The following HTR7 variants were observed in gnomAD, a reference collection of about 807,000 sequenced individuals.
The protein encoded by HTR7 is 5-hydroxytryptamine receptor 7.
In HTR7, 16 loss-of-function variants were observed where a neutral mutation model predicts 34.0. That is an observed-to-expected ratio of 0.47 (90% confidence interval 0.32 to 0.71). The LOEUF is 0.71. Ranked by LOEUF, HTR7 falls within the 30% of genes least tolerant of loss-of-function variation. The probability of loss-of-function intolerance (pLI) is 0.04; values close to 1 mark genes in which losing one functional copy is unlikely to be tolerated. For missense variants in HTR7, 504 were observed against 625.5 expected (o/e 0.81, Z 2.07); for synonymous variants, 265 against 260.2 (o/e 1.02, Z -0.18).
At chr10:90,765,526 T>A (rs1376608608) in intron 1 of HTR7, among the ~76,000 whole-genome samples, 8 of 148,592 alleles carry the variant, frequency 5.4e-5, no homozygotes, top group Non-Finnish European at 1.0e-4. Flanking sequence ...TCTATTTCAT[T>A]TTTTTTTTTG....
intron 1 of HTR7, among the ~76,000 whole-genome samples, chr10:90,846,933 C>G (rs1270515903): frequency 6.6e-6 from 1 of 152,198 alleles, no homozygotes; most frequent in African/African-American, 2.4e-5. Flanking sequence ...TATTCCCTCA[C>G]TCAGAATGCC....
intron 1 of HTR7, among the ~76,000 whole-genome samples, chr10:90,808,201 G>C (rs184334954): frequency 1.3e-5 from 2 of 151,980 alleles, no homozygotes; most frequent in Non-Finnish European, 2.9e-5. Flanking sequence ...CTTTTCTGGG[G>C]GGGGCAAGTA....
At chr10:90,804,592 TCCCC>T (rs1845675359) in intron 1 of HTR7, among the ~76,000 whole-genome samples, 2 of 152,016 alleles carry the variant, frequency 1.3e-5, no homozygotes, top group South Asian at 4.2e-4. Context: ...CCACCACCCC[TCCCC>T]ACTCCTTCAG....
Position 90,749,019 on chromosome 10 carries a change from A to G in HTR7, c.1115T>C (p.Leu372Pro), listed in dbSNP as rs780816345. The G allele has an allele frequency of 6.2e-7, 1 of 1,614,106 alleles. No homozygotes were observed. ...GTTAATGAGAGAGTTTGCATAGCCT[A>G]GCCACAGAAATGTCCTCTCCACCCA... The part of the protein sequence containing the change: ...PLWVERTFLW[L>P]GYANSLINPF... Residue 372 changes from leucine (L) to proline (P), a missense_variant, in exon 2 of 4, where the codon CTA (leucine) becomes CCA (proline). By Grantham distance (98) the Leu-to-Pro change is moderately conservative. Coordinates refer to ENST00000336152, the MANE Select transcript of HTR7 (RefSeq NM_019859.4). This position sits in a 1 kb window ranked among gnomAD's most constrained non-coding sequence, Gnocchi z 4.2.
chr10:90,759,393 C>T (rs796252519), intron 1 of HTR7, among the ~76,000 whole-genome samples: 2 of 151,828 alleles, frequency 1.3e-5, no homozygotes, highest in African/African-American at 4.8e-5. Flanking sequence ...CGGTGGCTCA[C>T]GCCTGTAATC....
At chr10:90,791,237 G>A (rs1230274615) in intron 1 of HTR7, among the ~76,000 whole-genome samples, 2 of 150,780 alleles carry the variant, frequency 1.3e-5, no homozygotes, top group Non-Finnish European at 3.0e-5. Context: ...AGAGAATACA[G>A]ATATATATAT....
At chr10:90,843,204 T>C (rs1295357703) in intron 1 of HTR7, among the ~76,000 whole-genome samples, 1 of 151,692 alleles carries the variant, frequency 6.6e-6, no homozygotes, top group African/African-American at 2.4e-5. Flanking sequence ...CTCCCTCCCT[T>C]CCTTCCGCAG....
At chr10:90,753,998 A>G (rs143007632) in intron 1 of HTR7, among the ~76,000 whole-genome samples, 1 of 152,078 alleles carries the variant, frequency 6.6e-6, no homozygotes, top group Non-Finnish European at 1.5e-5. Flanking sequence ...GAGATGAAGA[A>G]ATTTTAATGA....
At chr10:90,808,525 C>A (rs1011456383) in intron 1 of HTR7, among the ~76,000 whole-genome samples, 2 of 151,774 alleles carry the variant, frequency 1.3e-5, no homozygotes, top group Non-Finnish European at 2.9e-5. Flanking sequence ...GTGCTCCGAT[C>A]CCTTATTTCC....
At chr10:90,814,761 G>A (rs1180433328) in intron 1 of HTR7, among the ~76,000 whole-genome samples, 2 of 152,156 alleles carry the variant, frequency 1.3e-5, no homozygotes, top group Non-Finnish European at 1.5e-5. Context: ...CATTACCAAG[G>A]GCTGGATGGA....
chr10:90,855,452 G>A (rs1846564970), intron 1 of HTR7, among the ~76,000 whole-genome samples: 1 of 152,178 alleles, frequency 6.6e-6, no homozygotes, highest in Non-Finnish European at 1.5e-5. Context: ...TTTATCAACT[G>A]TGAAATTTTA....
intron 2 of HTR7, among the ~76,000 whole-genome samples, chr10:90,747,036 T>C (rs1844649555): frequency 2.0e-5 from 3 of 152,226 alleles, no homozygotes; most frequent in South Asian, 2.1e-4. Context: ...TATAACTGCA[T>C]AACATTCAAT....
At chr10:90,750,555 A>T (rs181139554) in intron 1 of HTR7, among the ~76,000 whole-genome samples, 61 of 152,310 alleles carry the variant, frequency 4.0e-4, no homozygotes, top group Non-Finnish European at 6.3e-4. Context: ...TGAGAAGCAA[A>T]GACAGAAAAA....
chr10:90,838,276 T>C (rs1350188689), intron 1 of HTR7, among the ~76,000 whole-genome samples: 4 of 152,198 alleles, frequency 2.6e-5, no homozygotes, highest in African/African-American at 9.6e-5. Context: ...CTGAATTGCT[T>C]GAGCCAAAAG....
chr10:90,817,377 A>T (rs1261805971), intron 1 of HTR7, among the ~76,000 whole-genome samples: 1 of 152,214 alleles, frequency 6.6e-6, no homozygotes, highest in Non-Finnish European at 1.5e-5. Context: ...ACAGGGACAC[A>T]ACAAAGACAA....
intron 1 of HTR7, among the ~76,000 whole-genome samples, chr10:90,848,126 T>C (rs971496306): frequency 1.7e-4 from 24 of 141,132 alleles, no homozygotes; most frequent in Non-Finnish European, 2.8e-4. Context: ...TGGAGTGCAA[T>C]GGCGCGATCT....
intron 1 of HTR7, among the ~76,000 whole-genome samples, chr10:90,800,366 T>C (rs1370516161): frequency 6.6e-6 from 1 of 152,116 alleles, no homozygotes; most frequent in Non-Finnish European, 1.5e-5. Context: ...ATAGAACCCC[T>C]CTTGGCCAAA....
intron 1 of HTR7, among the ~76,000 whole-genome samples, chr10:90,813,623 C>T: frequency 6.6e-6 from 1 of 152,004 alleles, no homozygotes; most frequent in East Asian, 1.9e-4. Flanking sequence ...TCTTTTCTAA[C>T]AAAGAGCAAC....
At position 90,743,682 on chromosome 10, in the gene HTR7, C is replaced by A; in HGVS notation, c.1304G>T (p.Cys435Phe). 6.2e-7 allele frequency: 1 copy of A among 1,613,172 alleles called. No individual in the cohort carries two copies. Among genetic ancestry groups the A allele is most frequent in the Non-Finnish European group, 8.5e-7 (1 of 1,179,194 alleles). ...PERPEFVLRA[C>F]TRRVLLRPEK... ...TGGTCTCAACAGCACCCTCCTTGTG[C>A]AGGCCCTCCTGCAATTTATGGCAAT... is the stretch of plus-strand genomic sequence containing the variant. The change falls in exon 3 of 4, where the codon TGC (cysteine) becomes TTC (phenylalanine). Residue 435 changes from cysteine (C) to phenylalanine (F), a missense_variant. Physicochemically the swap from Cys to Phe is radical, Grantham distance 205. Coordinates refer to ENST00000336152, the MANE Select transcript of HTR7 (RefSeq NM_019859.4).
Sources: gnomAD v4.1 joint callset for allele counts (sites outside exome capture counted in the v4.1 genomes callset) on GRCh38, gnomAD v4.1.1 for gene constraint, Gnocchi (gnomAD v3.1) non-coding constraint, MANE v1.5 for transcripts, NCBI Gene and HGNC (gene_info 2026-07-23, HGNC 2026-07-21) for gene names.